The following DENND3 variants were observed in gnomAD, a reference collection of about 807,000 sequenced individuals.
DENND3 encodes DENN domain containing 3.
DENND3 carries 88 observed loss-of-function variants against 135.1 expected under a neutral mutation model. That is an observed-to-expected ratio of 0.65 (90% CI 0.55 to 0.78). The LOEUF (loss-of-function observed/expected upper bound fraction) is 0.78, where lower values mean the gene tolerates loss of function less well. DENND3 is among the 30% of genes least tolerant of loss of function. The pLI, the probability that DENND3 is intolerant of heterozygous loss-of-function variation, is 0.00. For synonymous variants in DENND3, 693 were observed against 712.3 expected, an observed-to-expected ratio of 0.97 and a Z score of 0.43; for missense variants, 1,392 against 1,688.4, an observed-to-expected ratio of 0.82 and a Z score of 3.08.
At position 141,177,795 on chromosome 8, in the gene DENND3, C is replaced by T. The variant is rs76825050; in HGVS notation, c.2707-272C>T. ...GCCGCAGTGGCAGGCAGTGGGTGAT[C>T]TCAGCTGAGACTGGCCACAAAGCTT... On this transcript the variant is annotated intron_variant, in intron 15 of 22. Coordinates refer to ENST00000519811, the MANE Select transcript of DENND3 (RefSeq NM_001352890.3). 999 of 328,608 alleles carry T rather than the reference C, an allele frequency of 3.0e-3. 16 individuals carry two copies. The highest frequency in any genetic ancestry group is 0.018 in the African/African-American group (868 of 47,328). The allele number at this position is 328,608 out of a possible 1,614,324, so 20.4% of individuals were successfully genotyped here. A position where few individuals can be genotyped will look rare whatever the true frequency, so the allele number is the denominator to read the frequency against.
intron 16 of DENND3, among the ~76,000 whole-genome samples, chr8:141,179,332 C>T (rs1822797096): frequency 6.6e-6 from 1 of 152,182 alleles, no homozygotes; most frequent in Non-Finnish European, 1.5e-5. Flanking sequence ...TCAAACAAAC[C>T]CCCTACTTCA....
At position 141,194,174 on chromosome 8, in the gene DENND3, T is replaced by C. The variant is rs764466993; in HGVS notation, c.3778T>C (p.Tyr1260His). ...GACGCTGTGCTCGGCTGAGGACAGA[T>C]ACGTGCTGAGTGGGTCGGGCAGGGA... ...VRTLCSAEDRYVLSGSGREEG... is the reference protein window; with the variant it reads ...VRTLCSAEDRHVLSGSGREEG... The change falls in exon 23 of 23, where the codon TAC (tyrosine) becomes CAC (histidine). Residue 1260 changes from tyrosine (Y) to histidine (H), a missense_variant. Physicochemically the swap from Tyr to His is moderately conservative, Grantham distance 83. Transcript: ENST00000519811. 3.1e-6 allele frequency: 5 copies of C among 1,613,498 alleles called. No individual in the cohort carries two copies. The South Asian group carries it at 5.5e-5, about 18-fold the overall frequency.
Position 141,185,159 on chromosome 8 carries a change from A to C in DENND3, c.2965A>C (p.Lys989Gln). The change falls in exon 18 of 23, where the codon AAA becomes CAA. Residue 989 changes from lysine to glutamine, a missense_variant. Physicochemically the swap from Lys to Gln is moderately conservative, Grantham distance 53. Coordinates refer to ENST00000519811, the MANE Select transcript of DENND3 (RefSeq NM_001352890.3). The part of the protein sequence containing the change: ...YTPGHLDPAE[K>Q]VEDAHPKLWC... ...TTTAGGGCATCTTGACCCAGCCGAAAAAGTTGAAGATGCTCACCCCAAGTT... is the reference window on the plus strand; with the variant it reads ...TTTAGGGCATCTTGACCCAGCCGAACAAGTTGAAGATGCTCACCCCAAGTT... 6.2e-7 allele frequency: 1 copy of C among 1,613,974 alleles called. No homozygotes were observed. Among genetic ancestry groups the C allele is most frequent in the Non-Finnish European group, 8.5e-7 (1 of 1,179,882 alleles).
In DENND3 at chr8:141,194,748, C is replaced by T. The variant is rs554915505; in HGVS notation, c.*515C>T. On this transcript the variant is annotated 3_prime_UTR_variant, in exon 23 of 23. Transcript: ENST00000519811. The stretch of plus-strand genomic sequence containing the variant: ...GGCCTGAGAAGGGTGGTTCGGGTAA[C>T]CACTGTGGGCTCTCTCCCATCACAG... 1.9e-5 allele frequency: 3 copies of T among 157,508 alleles called. No homozygotes were observed. The highest frequency in any genetic ancestry group is 1.9e-4 in the South Asian group (1 of 5,386). 9.8% of individuals were successfully genotyped at this position (157,508 alleles called of 1,614,324 possible).
chr8:141,143,352 A>G (rs1817694450), intron 4 of DENND3, among the ~76,000 whole-genome samples: 1 of 152,208 alleles, frequency 6.6e-6, no homozygotes, highest in Non-Finnish European at 1.5e-5. Flanking sequence ...TACATGTGCC[A>G]TGTTGGTGTG....
chr8:141,170,320 G>T (rs553840326), intron 13 of DENND3, among the ~76,000 whole-genome samples: 1 of 152,254 alleles, frequency 6.6e-6, no homozygotes, highest in African/African-American at 2.4e-5. Flanking sequence ...CTTGCTTATC[G>T]TGCCCGTGGG....
intron 5 of DENND3, among the ~76,000 whole-genome samples, chr8:141,145,877 CT>C (rs1818064938): frequency 8.3e-6 from 1 of 120,762 alleles, no homozygotes. Context: ...GAGGCGGAGT[CT>C]TGCTCTGTTA....
chr8:141,192,802 A>T (rs1259734678), intron 22 of DENND3, 139 bp downstream of exon 22: 1 of 1,579,802 alleles, frequency 6.3e-7, no homozygotes, highest in Non-Finnish European at 8.5e-7. Context: ...CCTAACAGGC[A>T]CGTGCAGGGT....
chr8:141,161,571 T>C (rs1315909249), intron 9 of DENND3, among the ~76,000 whole-genome samples: 1 of 152,210 alleles, frequency 6.6e-6, no homozygotes, highest in African/African-American at 2.4e-5. Context: ...ATAAGTACTT[T>C]TTAATGCAAA....
chr8:141,137,903 A>G lies in DENND3; in HGVS notation c.386-119A>G. 2 of 968,816 alleles carry G rather than the reference A, an allele frequency of 2.1e-6. No individual in the cohort carries two copies. Among genetic ancestry groups the G allele is most frequent in the Non-Finnish European group, 3.1e-6 (2 of 654,566 alleles). The allele number at this position is 968,816 out of a possible 1,614,324, so 60.0% of individuals were successfully genotyped here. ...GAAGAATGAACCCGCCTTGGACATG[A>G]AGGCACCACCACTGCTAACTGTGGA... is the stretch of plus-strand genomic sequence containing the variant. On this transcript the variant is annotated intron_variant, in intron 2 of 22. Transcript: ENST00000519811. The surrounding 1 kb of genome is among the most constrained non-coding windows in gnomAD (Gnocchi z 4.1).
At position 141,154,953 on chromosome 8, in the gene DENND3, G is replaced by A. The variant is rs1156665575; in HGVS notation, c.1075-896G>A. ...TGGACTATTCAGGCTGAAGAAGCAA[G>A]GATGTTCTGACACATGCCTCAGATG... On this transcript the variant is annotated intron_variant, in intron 7 of 22. Transcript: ENST00000519811. This position sits in a 1 kb window ranked among gnomAD's most constrained non-coding sequence, Gnocchi z 4.4. Among the ~76,000 whole-genome samples, 2 of 152,218 alleles carry A rather than the reference G, an allele frequency of 1.3e-5. No homozygotes were observed. The highest frequency in any genetic ancestry group is 4.8e-5 in the African/African-American group (2 of 41,448).
intron 15 of DENND3, chr8:141,177,166 G>A (rs1002900519): frequency 3.4e-5 from 6 of 177,696 alleles, no homozygotes; most frequent in East Asian, 1.6e-4. Context: ...TTTGGAATTC[G>A]GCAGGGGCAG....
intron 4 of DENND3, chr8:141,142,650 AT>A (rs759893117): frequency 2.2e-4 from 62 of 284,058 alleles, no homozygotes; most frequent in Non-Finnish European, 4.0e-4. Context: ...AATTGAGCAC[AT>A]GCATGTTTGT....
At position 141,138,681 on chromosome 8, in the gene DENND3, G is replaced by A. The variant is rs780216883; in HGVS notation, c.501+544G>A. On this transcript the variant is annotated intron_variant, in intron 3 of 22. Coordinates refer to ENST00000519811, the MANE Select transcript of DENND3 (RefSeq NM_001352890.3). The surrounding 1 kb of genome is among the most constrained non-coding windows in gnomAD (Gnocchi z 4.8). The stretch of plus-strand genomic sequence containing the variant: ...GATTACAGGTGTGAGCGCTGCGCCC[G>A]GCCGGCTAATCCCCTTTCTGTCTCT... Among the ~76,000 whole-genome samples the A allele has an allele frequency of 3.3e-5, 5 of 152,112 alleles. No homozygotes were observed. The highest frequency in any genetic ancestry group is 2.1e-4 in the South Asian group (1 of 4,832).
In DENND3 at chr8:141,141,208, G is replaced by T; in HGVS notation, c.507G>T (p.Glu169Asp). Residue 169 changes from glutamate to aspartate, a missense_variant, in exon 4 of 23, where the codon GAG becomes GAT. By Grantham distance (45) the Glu-to-Asp change is conservative. Transcript: ENST00000519811. This position sits in a 1 kb window ranked among gnomAD's most constrained non-coding sequence, Gnocchi z 5.3. ...CGCTGTTGCTTTTCATGTAGGATGA[G>T]TACTGTTTCTACAATGGCAAAACGC... ...VAQYYRPLHDEYCFYNGKTHR... is the reference protein window; with the variant it reads ...VAQYYRPLHDDYCFYNGKTHR... The T allele has an allele frequency of 6.2e-7, 1 of 1,614,244 alleles. No homozygotes were observed. The highest frequency in any genetic ancestry group is 8.5e-7 in the Non-Finnish European group (1 of 1,180,044).
intron 7 of DENND3, among the ~76,000 whole-genome samples, chr8:141,155,255 G>A (rs1251690978): frequency 1.3e-5 from 2 of 152,086 alleles, no homozygotes; most frequent in Non-Finnish European, 2.9e-5. Context: ...CATTGGTTAC[G>A]TTGACACAGT....
chr8:141,182,968 C>G lies in DENND3; in HGVS notation c.2944+2114C>G, dbSNP rs1322617586. Among the ~76,000 whole-genome samples, 3 of 152,226 alleles carry G rather than the reference C, an allele frequency of 2.0e-5. No individual in the cohort carries two copies. Among genetic ancestry groups the G allele is most frequent in the African/African-American group, 7.2e-5 (3 of 41,466 alleles). On this transcript the variant is annotated intron_variant, in intron 17 of 22. Transcript: ENST00000519811. This position sits in a 1 kb window ranked among gnomAD's most constrained non-coding sequence, Gnocchi z 5.9. ...ACCGGGAGGCCTGCCCTTCTGGACT[C>G]AGGACGGAGGCAGCACTGCAGGGCG...
Position 141,182,340 on chromosome 8 carries a change from C to G in DENND3, c.2944+1486C>G. 1.0e-6 allele frequency: 1 copy of G among 985,352 alleles called. No individual in the cohort carries two copies. The highest frequency in any genetic ancestry group is 1.2e-6 in the Non-Finnish European group (1 of 829,924). 61.0% of individuals were successfully genotyped at this position (985,352 alleles called of 1,614,324 possible). On this transcript the variant is annotated intron_variant, in intron 17 of 22. Coordinates refer to ENST00000519811, the MANE Select transcript of DENND3 (RefSeq NM_001352890.3). The surrounding 1 kb of genome is among the most constrained non-coding windows in gnomAD (Gnocchi z 5.9). Reference sequence around the variant, plus strand: ...TGGCAGGCCAAGAAACCCAGGAACGCGATAGACCCTGGCTGAGTGAGCAGG... The same window carrying G: ...TGGCAGGCCAAGAAACCCAGGAACGGGATAGACCCTGGCTGAGTGAGCAGG...
chr8:141,137,899 C>T lies in DENND3; in HGVS notation c.386-123C>T. ...ATCGGAAGAATGAACCCGCCTTGGACATGAAGGCACCACCACTGCTAACTG... is the reference window on the plus strand; with the variant it reads ...ATCGGAAGAATGAACCCGCCTTGGATATGAAGGCACCACCACTGCTAACTG... On this transcript the variant is annotated intron_variant, in intron 2 of 22. Transcript: ENST00000519811. The surrounding 1 kb of genome is among the most constrained non-coding windows in gnomAD (Gnocchi z 4.1). 1.1e-6 allele frequency: 1 copy of T among 923,842 alleles called. No individual in the cohort carries two copies. Among genetic ancestry groups the T allele is most frequent in the African/African-American group, 1.7e-5 (1 of 60,464 alleles). 57.2% of individuals were successfully genotyped at this position (923,842 alleles called of 1,614,324 possible). A position where few individuals can be genotyped will look rare whatever the true frequency, so the allele number is the denominator to read the frequency against.
Sources: allele counts gnomAD v4.1 joint callset (sites outside exome capture counted in the v4.1 genomes callset), GRCh38; gene constraint gnomAD v4.1.1; non-coding constraint Gnocchi (gnomAD v3.1); transcripts MANE v1.5; gene names NCBI Gene and HGNC (gene_info 2026-07-23, HGNC 2026-07-21).